Variants in CDC27 observed in about 807,000 individuals in gnomAD.
CDC27 encodes the protein cell division cycle protein 27 homolog.
Under a neutral mutation model 109.7 loss-of-function variants are expected in CDC27, and 27 were observed. That is an observed-to-expected ratio of 0.25 (90% CI 0.18 to 0.34). The LOEUF is 0.34. Ranked by LOEUF, CDC27 falls within the 10% of genes least tolerant of loss-of-function variation. The probability of loss-of-function intolerance (pLI) is 1.00; values close to 1 mark genes in which losing one functional copy is unlikely to be tolerated. For missense variants in CDC27, 579 were observed against 960.2 expected (o/e 0.60, Z 5.25); for synonymous variants, 266 against 333.9 (o/e 0.80, Z 2.22).
intron 9 of CDC27, among the ~76,000 whole-genome samples, chr17:47,150,742 G>C (rs527483236): frequency 8.5e-5 from 13 of 152,288 alleles, no homozygotes; most frequent in Admixed American, 7.8e-4. Flanking sequence ...ATTATTAAGA[G>C]TGAATGTTGG....
At chr17:47,147,685 C>T (rs2063012627) in intron 9 of CDC27, among the ~76,000 whole-genome samples, 1 of 151,988 alleles carries the variant, frequency 6.6e-6, no homozygotes, top group South Asian at 2.1e-4. Context: ...GCCTGGACAA[C>T]ATAGCAAGAC....
At chr17:47,182,366 A>G (rs2064275882) in intron 1 of CDC27, among the ~76,000 whole-genome samples, 1 of 152,212 alleles carries the variant, frequency 6.6e-6, no homozygotes, top group South Asian at 2.1e-4. Flanking sequence ...AACCAAAGAC[A>G]TTTAGGCCCA....
intron 7 of CDC27, 68 bp downstream of exon 7, chr17:47,156,845 T>C: frequency 1.9e-6 from 1 of 533,750 alleles, no homozygotes; most frequent in South Asian, 3.8e-5. Flanking sequence ...TCTGCATTAC[T>C]AACAATATGA....
intron 9 of CDC27, among the ~76,000 whole-genome samples, chr17:47,144,447 G>C (rs1664763077): frequency 6.6e-6 from 1 of 152,164 alleles, no homozygotes; most frequent in African/African-American, 2.4e-5. Context: ...CAACAAGTTA[G>C]AGAAAAAAGA....
intron 7 of CDC27, 191 bp from the exon 8 acceptor site, chr17:47,154,977 A>C: frequency 2.5e-6 from 1 of 406,712 alleles, no homozygotes. Flanking sequence ...AAATTTTAAA[A>C]AGCTATCAAA....
chr17:47,121,741 CTT>C (rs35570204), intron 18 of CDC27, among the ~76,000 whole-genome samples: 139 of 144,758 alleles, frequency 9.6e-4, no homozygotes, highest in East Asian at 1.0e-3. Flanking sequence ...CATATATATA[CTT>C]TTTTTTTTTT....
At chr17:47,176,165 T>C (rs985531464) in intron 2 of CDC27, among the ~76,000 whole-genome samples, 43 of 152,206 alleles carry the variant, frequency 2.8e-4, no homozygotes, top group Admixed American at 2.6e-4. Flanking sequence ...TGAATAGATA[T>C]TTGATATTAA....
At chr17:47,160,016 C>A in intron 4 of CDC27, 1 of 231,932 alleles carries the variant, frequency 4.3e-6, no homozygotes, top group Admixed American at 6.0e-5. Flanking sequence ...TTTTTTTTTT[C>A]AAACAAACTA....
intron 16 of CDC27, among the ~76,000 whole-genome samples, chr17:47,125,320 C>T (rs899438458): frequency 5.2e-5 from 7 of 135,878 alleles, no homozygotes; most frequent in African/African-American, 1.7e-4. Flanking sequence ...GATCTTGGCT[C>T]GCTACAACCT....
Position 47,118,790 on chromosome 17 carries a change from G to C in CDC27, c.*2145C>G, listed in dbSNP as rs2061927320. 1 of 152,350 alleles carries C rather than the reference G, an allele frequency of 6.6e-6. No individual in the cohort carries two copies. The highest frequency in any genetic ancestry group is 2.1e-4 in the South Asian group (1 of 4,830). 9.4% of individuals were successfully genotyped at this position (152,350 alleles called of 1,614,324 possible). A position where few individuals can be genotyped will look rare whatever the true frequency, so the allele number is the denominator to read the frequency against. Reference sequence around the variant, plus strand: ...AAAGTGTTACTACGTGGGAAATAAGGCTTCAAATACCTAAATGACTTTGAA... The same window carrying C: ...AAAGTGTTACTACGTGGGAAATAAGCCTTCAAATACCTAAATGACTTTGAA... On this transcript the variant is annotated 3_prime_UTR_variant, in exon 19 of 19. Transcript: ENST00000066544.
chr17:47,174,593 A>G lies in CDC27; in HGVS notation c.104-2529T>C, dbSNP rs531764709. Among the ~76,000 whole-genome samples the G allele has an allele frequency of 1.2e-3, 183 of 149,302 alleles. 7 individuals are homozygous for G. The East Asian group carries it at 0.042, about 34-fold the overall frequency. On this transcript the variant is annotated intron_variant, in intron 2 of 18. Transcript: ENST00000066544. ...CTCTTAAAGTAATATTGAGAAATCA[A>G]TCGTGTACTAGTTAAATTATGCTAT...
intron 4 of CDC27, among the ~76,000 whole-genome samples, chr17:47,169,346 T>TA (rs2063742287): frequency 6.6e-6 from 1 of 151,492 alleles, no homozygotes; most frequent in South Asian, 2.1e-4. Flanking sequence ...TCACCCAAGG[T>TA]AAAATAAACT....
Position 47,142,268 on chromosome 17 carries a change from G to C in CDC27, c.1339C>G (p.Pro447Ala). The C allele has an allele frequency of 6.2e-7, 1 of 1,605,736 alleles. No individual in the cohort carries two copies. Among genetic ancestry groups the C allele is most frequent in the Non-Finnish European group, 8.5e-7 (1 of 1,174,570 alleles). ...ISEGKISTITPQIQAFNLQKA... is the reference protein window; with the variant it reads ...ISEGKISTITAQIQAFNLQKA... ...TGTAGATTAAAGGCCTGAATCTGAG[G>C]TGTGATTGTGGATATTTTCCCTTCT... The change falls in exon 11 of 19, where the codon CCT (proline) becomes GCT (alanine). Residue 447 changes from proline to alanine, a missense_variant. Pro to Ala is a conservative substitution (Grantham distance 27). Around this residue, in one of 9 missense-constraint regions of CDC27, gnomAD observed 58 missense variants for 116.6 expected, o/e 0.50. Transcript: ENST00000066544.
intron 16 of CDC27, among the ~76,000 whole-genome samples, chr17:47,127,245 A>C (rs1384058172): frequency 3.3e-5 from 5 of 152,224 alleles, no homozygotes; most frequent in African/African-American, 1.2e-4. Flanking sequence ...CTTGGGCAAC[A>C]GAGCAAGAAA....
intron 14 of CDC27, among the ~76,000 whole-genome samples, chr17:47,133,208 G>A (rs1341536026): frequency 6.5e-5 from 9 of 137,484 alleles, no homozygotes; most frequent in African/African-American, 8.2e-5. Flanking sequence ...GTGCAATCTC[G>A]GCTCACCACA....
intron 12 of CDC27, among the ~76,000 whole-genome samples, chr17:47,140,759 A>G (rs931230270): frequency 2.0e-5 from 3 of 152,236 alleles, no homozygotes; most frequent in Non-Finnish European, 2.9e-5. Context: ...CATAATCGAA[A>G]CATGGGTTTT....
In CDC27 at chr17:47,171,464, A is replaced by C. The variant is rs1056595044; in HGVS notation, c.251+453T>G. On this transcript the variant is annotated intron_variant, in intron 3 of 18. Transcript: ENST00000066544. ...TAGAACCTAACTATCTGTATCTCTA[A>C]ATGCCTCCAAATTTGGTATAGGGAC... Among the ~76,000 whole-genome samples, 57 of 152,214 alleles carry C rather than the reference A, an allele frequency of 3.7e-4. 1 individual carries two copies. Among genetic ancestry groups the C allele is most frequent in the Admixed American group, 3.1e-3 (48 of 15,278 alleles).
At chr17:47,179,005 T>G (rs2064124196) in intron 2 of CDC27, among the ~76,000 whole-genome samples, 3 of 152,180 alleles carry the variant, frequency 2.0e-5, no homozygotes, top group Admixed American at 2.0e-4. Context: ...TTTCTCCATG[T>G]TGGTCAGGCT....
intron 4 of CDC27, 58 bp from the exon 5 acceptor site, chr17:47,158,361 A>G (rs2063384246): frequency 2.4e-6 from 2 of 818,232 alleles, no homozygotes; most frequent in Admixed American, 3.2e-5. Context: ...TGTATCATAA[A>G]CTTTTAGTAT....
Sources: gnomAD v4.1 joint callset for allele counts (sites outside exome capture counted in the v4.1 genomes callset) on GRCh38, gnomAD v4.1.1 for gene constraint, gnomAD v4.1.1 regional missense constraint, MANE v1.5 for transcripts, NCBI Gene and HGNC (gene_info 2026-07-23, HGNC 2026-07-21) for gene names.